Variants in CDK6 observed in about 807,000 individuals in gnomAD.
CDK6 encodes the protein cyclin dependent kinase 6.
Under a neutral mutation model 37.1 loss-of-function variants are expected in CDK6, and 6 were observed. The observed-to-expected ratio is 0.16, with a 90% CI of 0.09 to 0.32. The LOEUF (loss-of-function observed/expected upper bound fraction) is 0.32, where lower values mean the gene tolerates loss of function less well. Ranked by LOEUF, CDK6 falls within the 10% of genes least tolerant of loss-of-function variation. The pLI, the probability that CDK6 is intolerant of heterozygous loss-of-function variation, is 1.00. For synonymous variants in CDK6, 160 were observed against 161.3 expected (o/e 0.99, Z 0.06); for missense variants, 224 against 418.9 (o/e 0.53, Z 4.06).
chr7:92,691,198 A>G (rs1016168214), intron 4 of CDK6, among the ~76,000 whole-genome samples: 1 of 152,212 alleles, frequency 6.6e-6, no homozygotes, highest in Non-Finnish European at 1.5e-5. Context: ...CTATAAAGAC[A>G]AATAACATAT....
chr7:92,629,576 T>C (rs913035136), intron 5 of CDK6, among the ~76,000 whole-genome samples: 6 of 152,136 alleles, frequency 3.9e-5, no homozygotes, highest in Non-Finnish European at 5.9e-5. Context: ...ATGACTAAAA[T>C]AAGACTAAGC....
chr7:92,690,689 T>C (rs1374744899), intron 4 of CDK6, among the ~76,000 whole-genome samples: 1 of 152,218 alleles, frequency 6.6e-6, no homozygotes, highest in Non-Finnish European at 1.5e-5. Context: ...AAAGCACTAC[T>C]CTATGACAAC....
chr7:92,774,858 T>A (rs775072850), intron 2 of CDK6, 27 bp from the exon 3 acceptor site: 1 of 1,596,902 alleles, frequency 6.3e-7, no homozygotes, highest in Non-Finnish European at 8.5e-7. Flanking sequence ...AGAGGTTAAG[T>A]AGGTGGCAAT....
At position 92,705,585 on chromosome 7, in the gene CDK6, A is replaced by G. The variant is rs75306192; in HGVS notation, c.537+20041T>C. 4.7e-4 allele frequency among the ~76,000 whole-genome samples: 71 copies of G among 152,328 alleles called. 2 individuals are homozygous for G. In the East Asian group the frequency reaches 0.013, roughly 29 times the overall value. The stretch of plus-strand genomic sequence containing the variant: ...GCTGTGGGCATTCAGAGCAGGAAGC[A>G]TCCAAAGAAAGGTGGATCCCAGTCA... On this transcript the variant is annotated intron_variant, in intron 4 of 7. Transcript: ENST00000424848.
At chr7:92,651,721 A>G (rs1311430847) in intron 5 of CDK6, among the ~76,000 whole-genome samples, 1 of 152,080 alleles carries the variant, frequency 6.6e-6, no homozygotes, top group Non-Finnish European at 1.5e-5. Flanking sequence ...ACTCCCAGGA[A>G]TGCATTTCTA....
chr7:92,791,506 A>G (rs1013472514), intron 2 of CDK6, among the ~76,000 whole-genome samples: 2 of 152,178 alleles, frequency 1.3e-5, no homozygotes, highest in African/African-American at 4.8e-5. Context: ...CAGGCCTCAG[A>G]CCAACACTGC....
At position 92,708,736 on chromosome 7, in the gene CDK6, C is replaced by T. The variant is rs918861127; in HGVS notation, c.537+16890G>A. Among the ~76,000 whole-genome samples the T allele has an allele frequency of 1.1e-4, 16 of 152,308 alleles. No homozygotes were observed. In the East Asian group the frequency reaches 3.1e-3, roughly 29 times the overall value. On this transcript the variant is annotated intron_variant, in intron 4 of 7. Transcript: ENST00000424848. ...TACAATTGGGATAAACATTAAACCACTAGAAAATTTCTGATTTATACAACT... is the reference window on the plus strand; with the variant it reads ...TACAATTGGGATAAACATTAAACCATTAGAAAATTTCTGATTTATACAACT...
At chr7:92,647,034 G>T (rs1796467895) in intron 5 of CDK6, among the ~76,000 whole-genome samples, 1 of 152,178 alleles carries the variant, frequency 6.6e-6, no homozygotes, top group South Asian at 2.1e-4. Flanking sequence ...AAGGCAAGGA[G>T]CAAACGATGC....
chr7:92,736,024 G>C (rs1174044826), intron 3 of CDK6, among the ~76,000 whole-genome samples: 1 of 152,038 alleles, frequency 6.6e-6, no homozygotes, highest in East Asian at 1.9e-4. Flanking sequence ...AAGAGCACTG[G>C]GTTTTGAGCT....
chr7:92,786,495 C>G (rs1295844042), intron 2 of CDK6, among the ~76,000 whole-genome samples: 1 of 152,050 alleles, frequency 6.6e-6, no homozygotes, highest in Admixed American at 6.5e-5. Flanking sequence ...ACCTTTCAAA[C>G]TGGGTTAAAA....
chr7:92,774,453 GT>G (rs953417586), intron 3 of CDK6, among the ~76,000 whole-genome samples: 2 of 151,294 alleles, frequency 1.3e-5, no homozygotes, highest in Middle Eastern at 3.4e-3. Context: ...AGAACTAAAG[GT>G]TTTTTTTTCC....
chr7:92,717,120 G>A lies in CDK6; in HGVS notation c.537+8506C>T, dbSNP rs535378244. Among the ~76,000 whole-genome samples, 806 of 152,130 alleles carry A rather than the reference G, an allele frequency of 5.3e-3. 4 individuals carry two copies. The highest frequency in any genetic ancestry group is 0.021 in the Middle Eastern group (6 of 292). ...TCAGCACTTTGGGAGGCTGAGACAA[G>A]AGGATTGCTTGAGGAATTTGAGATC... On this transcript the variant is annotated intron_variant, in intron 4 of 7. Coordinates refer to ENST00000424848, the MANE Select transcript of CDK6 (RefSeq NM_001145306.2).
chr7:92,757,737 T>A (rs902433975), intron 3 of CDK6, among the ~76,000 whole-genome samples: 6 of 152,154 alleles, frequency 3.9e-5, no homozygotes, highest in Non-Finnish European at 8.8e-5. Context: ...CCACACTGAT[T>A]TCCACAATGG....
chr7:92,808,258 G>A (rs1279290856), intron 2 of CDK6, among the ~76,000 whole-genome samples: 2 of 152,194 alleles, frequency 1.3e-5, no homozygotes, highest in African/African-American at 4.8e-5. Context: ...TTGCTGCGGG[G>A]CAGCATCAGA....
chr7:92,820,859 A>G (rs902040478), intron 2 of CDK6, among the ~76,000 whole-genome samples: 6 of 151,984 alleles, frequency 3.9e-5, no homozygotes, highest in Non-Finnish European at 8.8e-5. Flanking sequence ...GCTGTATCTG[A>G]GTACTGGGAA....
intron 4 of CDK6, among the ~76,000 whole-genome samples, chr7:92,712,780 T>C (rs1307984435): frequency 6.6e-6 from 1 of 152,200 alleles, no homozygotes; most frequent in Non-Finnish European, 1.5e-5. Context: ...GGCATGACAG[T>C]GGACAGTTTG....
intron 4 of CDK6, among the ~76,000 whole-genome samples, chr7:92,677,842 G>A (rs1448734137): frequency 6.6e-6 from 1 of 152,088 alleles, no homozygotes; most frequent in Non-Finnish European, 1.5e-5. Context: ...AATTTCATAG[G>A]ATTTAAAATA....
At chr7:92,813,314 G>C (rs763333345) in intron 2 of CDK6, among the ~76,000 whole-genome samples, 23 of 152,100 alleles carry the variant, frequency 1.5e-4, no homozygotes, top group Non-Finnish European at 4.4e-5. Flanking sequence ...GAAACAGAAA[G>C]GGAATCATAC....
intron 7 of CDK6, 59 bp downstream of exon 7, chr7:92,618,013 G>A (rs3731375): frequency 6.3e-7 from 1 of 1,578,280 alleles, no homozygotes; most frequent in Non-Finnish European, 8.6e-7. Flanking sequence ...CACCCAGTCT[G>A]GGTAGAGCAG....
Sources: allele counts gnomAD v4.1 joint callset (sites outside exome capture counted in the v4.1 genomes callset), GRCh38; gene constraint gnomAD v4.1.1; transcripts MANE v1.5; gene names NCBI Gene and HGNC (gene_info 2026-07-23, HGNC 2026-07-21).